Variants in IL1RAPL2 observed in about 807,000 individuals in gnomAD.
IL1RAPL2 encodes X-linked interleukin-1 receptor accessory protein-like 2.
IL1RAPL2 carries 3 observed loss-of-function variants against 44.1 expected under a neutral mutation model. That is an observed-to-expected ratio of 0.07 (90% confidence interval 0.03 to 0.18). IL1RAPL2 has a LOEUF of 0.18. Among genes scored for constraint, IL1RAPL2 ranks in the 10% least tolerant of loss-of-function variants. IL1RAPL2 has a pLI of 1.00. For missense variants in IL1RAPL2, 391 were observed against 496.4 expected (o/e 0.79, Z 2.02); for synonymous variants, 181 against 178.8 (o/e 1.01, Z -0.10).
At chrX:105,219,123 G>T in intron 3 of IL1RAPL2, 4 of 1,211,297 alleles carry the variant, frequency 3.3e-6, no homozygotes, top group Non-Finnish European at 4.5e-6. Context: ...TGTCTCTTGG[G>T]TGCTCCTGAT....
chrX:105,375,163 T>C (rs1223795528), intron 5 of IL1RAPL2, among the ~76,000 whole-genome samples: 2 of 110,212 alleles, frequency 1.8e-5, no homozygotes, highest in African/African-American at 6.6e-5. Flanking sequence ...AAGTACTCCA[T>C]CTTGACAGAG....
intron 6 of IL1RAPL2, among the ~76,000 whole-genome samples, chrX:105,565,525 A>G (rs1324077121): frequency 8.9e-6 from 1 of 112,077 alleles, no homozygotes; most frequent in East Asian, 2.8e-4. Flanking sequence ...CATTTTAACA[A>G]TAAGCCTTCA....
intron 5 of IL1RAPL2, among the ~76,000 whole-genome samples, chrX:105,452,483 T>C (rs2036026278): frequency 9.0e-6 from 1 of 111,667 alleles, no homozygotes; most frequent in South Asian, 3.7e-4. Flanking sequence ...AACATGAATT[T>C]TCAGCAATTG....
chrX:104,731,743 A>G (rs1931924030), intron 2 of IL1RAPL2, among the ~76,000 whole-genome samples: 1 of 111,893 alleles, frequency 8.9e-6, no homozygotes, highest in Non-Finnish European at 1.9e-5. Context: ...AGTAATCAAT[A>G]TGCAAGGAGA....
intron 2 of IL1RAPL2, among the ~76,000 whole-genome samples, chrX:105,132,733 T>C (rs1241632664): frequency 9.0e-6 from 1 of 111,644 alleles, no homozygotes; most frequent in Non-Finnish European, 1.9e-5. Context: ...TCTGAGTCTA[T>C]TTACCAGAAG....
intron 2 of IL1RAPL2, among the ~76,000 whole-genome samples, chrX:105,150,326 G>A (rs975187706): frequency 8.9e-6 from 1 of 111,931 alleles, no homozygotes; most frequent in Non-Finnish European, 1.9e-5. Context: ...TCAAGGTCCT[G>A]AGGTACAAGC....
At chrX:105,638,161 G>C (rs1308368218) in intron 6 of IL1RAPL2, among the ~76,000 whole-genome samples, 1 of 112,039 alleles carries the variant, frequency 8.9e-6, no homozygotes, top group Admixed American at 9.5e-5. Context: ...ATTGAAGCAG[G>C]AAAGACTGCA....
chrX:105,300,545 T>C (rs2034689043), intron 5 of IL1RAPL2, among the ~76,000 whole-genome samples: 1 of 111,359 alleles, frequency 9.0e-6, no homozygotes, highest in Admixed American at 9.6e-5. Context: ...TATTTCAGTA[T>C]GATTTTGGGC....
At chrX:105,540,406 C>T (rs2036711634) in intron 6 of IL1RAPL2, among the ~76,000 whole-genome samples, 1 of 110,571 alleles carries the variant, frequency 9.0e-6, no homozygotes, top group Non-Finnish European at 1.9e-5. Context: ...AGCTGGAGGC[C>T]ATTATCCTAA....
chrX:105,457,235 A>G (rs778304334), intron 5 of IL1RAPL2, among the ~76,000 whole-genome samples: 81 of 111,731 alleles, frequency 7.2e-4, no homozygotes, highest in African/African-American at 2.4e-3. Context: ...TGCTATTTAT[A>G]TGGTGGTAAA....
At chrX:105,016,477 A>G (rs1002881224) in intron 2 of IL1RAPL2, among the ~76,000 whole-genome samples, 2 of 111,362 alleles carry the variant, frequency 1.8e-5, no homozygotes, top group African/African-American at 6.5e-5. Context: ...TATTATTTTG[A>G]GATACATTCC....
intron 2 of IL1RAPL2, among the ~76,000 whole-genome samples, chrX:104,823,839 A>G (rs1921377125): frequency 1.8e-5 from 2 of 112,046 alleles, no homozygotes; most frequent in African/African-American, 6.5e-5. Context: ...GCAAACAGGG[A>G]TAATTTGAAT....
chrX:104,974,859 G>C (rs1224897189), intron 2 of IL1RAPL2, among the ~76,000 whole-genome samples: 1 of 111,791 alleles, frequency 8.9e-6, no homozygotes, highest in Non-Finnish European at 1.9e-5. Context: ...TCTCACTGGG[G>C]ACAGTTAGGA....
At chrX:105,406,463 G>C (rs1407266584) in intron 5 of IL1RAPL2, 1 of 1,194,321 alleles carries the variant, frequency 8.4e-7, no homozygotes, top group East Asian at 3.0e-5. Flanking sequence ...ACCACCGGAG[G>C]ATCATTCACC....
chrX:105,285,223 T>C (rs756841669), intron 5 of IL1RAPL2, among the ~76,000 whole-genome samples: 5 of 112,169 alleles, frequency 4.5e-5, no homozygotes, highest in Non-Finnish European at 9.4e-5. Flanking sequence ...AGTTGCTGCT[T>C]CACTGGTTGT....
chrX:105,054,312 G>T (rs1400530514), intron 2 of IL1RAPL2, among the ~76,000 whole-genome samples: 1 of 111,534 alleles, frequency 9.0e-6, no homozygotes, highest in Non-Finnish European at 1.9e-5. Flanking sequence ...CCCTAGCAAG[G>T]ATGCATTTTT....
At chrX:105,358,094 A>G (rs1208574848) in intron 5 of IL1RAPL2, among the ~76,000 whole-genome samples, 1 of 105,793 alleles carries the variant, frequency 9.5e-6, no homozygotes, top group African/African-American at 3.4e-5. Context: ...GCCTAGGACC[A>G]CAATGGAGAA....
chrX:105,258,341 T>G (rs6523833), intron 4 of IL1RAPL2, among the ~76,000 whole-genome samples: 16,389 of 110,902 alleles, frequency 0.15, 2,297 homozygotes, highest in African/African-American at 0.44. Flanking sequence ...GACCTGCCCT[T>G]TCTCTCTAGC....
intron 6 of IL1RAPL2, among the ~76,000 whole-genome samples, chrX:105,693,404 G>A (rs1213445715): frequency 9.0e-6 from 1 of 111,097 alleles, no homozygotes; most frequent in Admixed American, 9.6e-5. Flanking sequence ...GTTCACAAGA[G>A]TGCTGGTTGT....
Sources: gnomAD v4.1 joint callset for allele counts (sites outside exome capture counted in the v4.1 genomes callset) on GRCh38, gnomAD v4.1.1 for gene constraint, MANE v1.5 for transcripts, NCBI Gene and HGNC (gene_info 2026-07-23, HGNC 2026-07-21) for gene names.